IMMP2L: variants seen among roughly 807,000 people sequenced by gnomAD.
IMMP2L encodes mitochondrial inner membrane protease subunit 2.
In IMMP2L, 18 loss-of-function variants were observed where a neutral mutation model predicts 19.3. That is an observed-to-expected ratio of 0.93 (90% CI 0.64 to 1.38). IMMP2L has a LOEUF of 1.38. Among genes scored for constraint, IMMP2L ranks in the 40% most tolerant of loss-of-function variants. The pLI is 0.00. For missense variants in IMMP2L, 233 were observed against 218.2 expected, an observed-to-expected ratio of 1.07 and a Z score of -0.43; for synonymous variants, 76 against 73.0, an observed-to-expected ratio of 1.04 and a Z score of -0.21.
At chr7:111,142,827 T>G (rs1209357826) in intron 3 of IMMP2L, among the ~76,000 whole-genome samples, 1 of 152,196 alleles carries the variant, frequency 6.6e-6, no homozygotes, top group Non-Finnish European at 1.5e-5. Flanking sequence ...CTCAATTAGA[T>G]GAACAACTCT....
At chr7:110,825,233 A>G (rs574368515) in intron 5 of IMMP2L, among the ~76,000 whole-genome samples, 1 of 152,178 alleles carries the variant, frequency 6.6e-6, no homozygotes, top group Admixed American at 6.6e-5. Flanking sequence ...GATAGGAAGA[A>G]TCAATATCGT....
intron 3 of IMMP2L, among the ~76,000 whole-genome samples, chr7:111,076,850 A>G (rs1227263085): frequency 1.3e-5 from 2 of 152,148 alleles, no homozygotes; most frequent in Admixed American, 1.3e-4. Context: ...CCTTACTCTC[A>G]TCTCTCTCCT....
At chr7:111,509,221 A>C (rs527912021) in intron 2 of IMMP2L, among the ~76,000 whole-genome samples, 1 of 152,228 alleles carries the variant, frequency 6.6e-6, no homozygotes, top group Non-Finnish European at 1.5e-5. Flanking sequence ...GTCCTCACAA[A>C]ACGATTCTAA....
intron 5 of IMMP2L, among the ~76,000 whole-genome samples, chr7:110,801,461 A>G (rs1000032630): frequency 6.6e-6 from 1 of 152,140 alleles, no homozygotes; most frequent in African/African-American, 2.4e-5. Flanking sequence ...GAACTAACTC[A>G]GTTGACTGAG....
chr7:111,072,530 A>C (rs1795041097), intron 3 of IMMP2L, among the ~76,000 whole-genome samples: 1 of 150,734 alleles, frequency 6.6e-6, no homozygotes, highest in African/African-American at 2.5e-5. Flanking sequence ...CAAAAATAAA[A>C]GACATTCCAC....
At chr7:111,033,212 C>T (rs1273402908) in intron 3 of IMMP2L, among the ~76,000 whole-genome samples, 1 of 152,100 alleles carries the variant, frequency 6.6e-6, no homozygotes, top group African/African-American at 2.4e-5. Flanking sequence ...ATACATATGA[C>T]AAGTATATGA....
chr7:111,054,166 T>C (rs1368554428), intron 3 of IMMP2L, among the ~76,000 whole-genome samples: 2 of 152,192 alleles, frequency 1.3e-5, no homozygotes, highest in Non-Finnish European at 2.9e-5. Flanking sequence ...TTGATATATT[T>C]TAATATACAG....
intron 3 of IMMP2L, among the ~76,000 whole-genome samples, chr7:111,212,671 T>C (rs1447955807): frequency 1.3e-5 from 2 of 152,158 alleles, no homozygotes; most frequent in African/African-American, 4.8e-5. Flanking sequence ...CATAAAAATA[T>C]AAATGTTTTC....
intron 3 of IMMP2L, among the ~76,000 whole-genome samples, chr7:111,005,474 A>C (rs1824191173): frequency 6.6e-6 from 1 of 152,210 alleles, no homozygotes; most frequent in African/African-American, 2.4e-5. Flanking sequence ...CAAGGATGCC[A>C]GTTTGGGAAA....
At chr7:111,066,252 A>G (rs1324187155) in intron 3 of IMMP2L, among the ~76,000 whole-genome samples, 1 of 152,078 alleles carries the variant, frequency 6.6e-6, no homozygotes, top group Non-Finnish European at 1.5e-5. Context: ...AAGTGCTGGG[A>G]TTACAGGTGT....
In IMMP2L at chr7:111,123,620, T is replaced by C; in HGVS notation, c.240-160055A>G. ...ATACGAAGGGGTGATTTTAGCAATA[T>C]GCTACACTTAAAAGAGTTGGGGATA... On this transcript the variant is annotated intron_variant, in intron 3 of 5. Coordinates refer to ENST00000405709, the MANE Select transcript of IMMP2L (RefSeq NM_032549.4). The surrounding 1 kb of genome is among the most constrained non-coding windows in gnomAD (Gnocchi z 6.4). 2 of 1,613,770 alleles carry C rather than the reference T, an allele frequency of 1.2e-6. No homozygotes were observed.
chr7:111,225,514 T>C (rs1812984046), intron 3 of IMMP2L, among the ~76,000 whole-genome samples: 1 of 151,814 alleles, frequency 6.6e-6, no homozygotes, highest in Non-Finnish European at 1.5e-5. Context: ...AGTGAGAAAA[T>C]ACAAAAAGTT....
intron 3 of IMMP2L, among the ~76,000 whole-genome samples, chr7:111,395,941 C>G (rs1832824337): frequency 6.6e-6 from 1 of 152,174 alleles, no homozygotes; most frequent in Non-Finnish European, 1.5e-5. Context: ...GATGCCATCT[C>G]ATGCCAGTTA....
At chr7:111,106,203 T>G (rs961455854) in intron 3 of IMMP2L, among the ~76,000 whole-genome samples, 2 of 151,806 alleles carry the variant, frequency 1.3e-5, no homozygotes, top group Non-Finnish European at 2.9e-5. Context: ...CCTACTTACT[T>G]CTCAATTGGG....
At chr7:110,900,503 C>A (rs879896660) in intron 4 of IMMP2L, among the ~76,000 whole-genome samples, 1 of 152,186 alleles carries the variant, frequency 6.6e-6, no homozygotes, top group African/African-American at 2.4e-5. Flanking sequence ...TGTCTCTCTT[C>A]TCCTCCATCT....
At chr7:111,094,974 C>T (rs1797253550) in intron 3 of IMMP2L, among the ~76,000 whole-genome samples, 1 of 152,166 alleles carries the variant, frequency 6.6e-6, no homozygotes, top group Admixed American at 6.6e-5. Context: ...CATCTCAAAT[C>T]TTTCTGAAGA....
intron 3 of IMMP2L, among the ~76,000 whole-genome samples, chr7:111,306,812 A>T (rs1298897663): frequency 1.3e-5 from 2 of 151,842 alleles, no homozygotes; most frequent in African/African-American, 2.4e-5. Context: ...AAATAAAACA[A>T]TTTACAAAAC....
At chr7:111,166,852 T>C (rs1232770554) in intron 3 of IMMP2L, among the ~76,000 whole-genome samples, 1 of 152,024 alleles carries the variant, frequency 6.6e-6, no homozygotes, top group African/African-American at 2.4e-5. Flanking sequence ...GTGTGTCTCT[T>C]CTGTGTCTCC....
At chr7:110,941,588 C>T (rs879648763) in intron 4 of IMMP2L, among the ~76,000 whole-genome samples, 14 of 152,072 alleles carry the variant, frequency 9.2e-5, no homozygotes, top group African/African-American at 2.4e-4. Context: ...GAATGAGAGA[C>T]AAGGGGTTTA....
Sources: allele counts gnomAD v4.1 joint callset (sites outside exome capture counted in the v4.1 genomes callset), GRCh38; gene constraint gnomAD v4.1.1; non-coding constraint Gnocchi (gnomAD v3.1); transcripts MANE v1.5; gene names NCBI Gene and HGNC (gene_info 2026-07-23, HGNC 2026-07-21).